Variants in ATRNL1 observed in about 807,000 individuals in gnomAD.
ATRNL1 encodes attractin-like protein 1.
Under a neutral mutation model 182.7 loss-of-function variants are expected in ATRNL1, and 95 were observed. The ratio of observed to expected loss-of-function variants is 0.52; its 90% confidence interval spans 0.44 to 0.62. The LOEUF is 0.62. Among genes scored for constraint, ATRNL1 ranks in the 20% least tolerant of loss-of-function variants. The pLI is 0.00. For synonymous variants in ATRNL1, 576 were observed against 568.3 expected (o/e 1.01, Z -0.19); for missense variants, 1,471 against 1,679.5 (o/e 0.88, Z 2.17).
At chr10:115,925,283 T>C (rs1368284767) in intron 28 of ATRNL1, among the ~76,000 whole-genome samples, 1 of 152,090 alleles carries the variant, frequency 6.6e-6, no homozygotes, top group Non-Finnish European at 1.5e-5. Context: ...TCCAATACTA[T>C]GTTGCATAAG....
At chr10:115,908,036 A>C (rs1358387668) in intron 28 of ATRNL1, among the ~76,000 whole-genome samples, 1 of 152,180 alleles carries the variant, frequency 6.6e-6, no homozygotes, top group African/African-American at 2.4e-5. Flanking sequence ...AATTATTTCT[A>C]ATTCTCATTT....
At chr10:115,156,949 T>C (rs1296604568) in intron 5 of ATRNL1, among the ~76,000 whole-genome samples, 1 of 152,058 alleles carries the variant, frequency 6.6e-6, no homozygotes, top group Non-Finnish European at 1.5e-5. Context: ...TACCAGAGGC[T>C]GGGAAAGGTT....
At chr10:115,840,183 G>A (rs1388964715) in intron 27 of ATRNL1, among the ~76,000 whole-genome samples, 3 of 152,120 alleles carry the variant, frequency 2.0e-5, no homozygotes, top group East Asian at 3.9e-4. Flanking sequence ...GCTTTCCGGG[G>A]CAGTGTTGAT....
Position 115,384,482 on chromosome 10 carries a change from G to A in ATRNL1, c.3176-10177G>A, listed in dbSNP as rs114874260. The stretch of plus-strand genomic sequence containing the variant: ...TAAGAAAATATTTTATGCTTTATGG[G>A]CCATTCGGTCTGTGTGCAGCAGCTC... On this transcript the variant is annotated intron_variant, in intron 19 of 28. Transcript: ENST00000355044. Among the ~76,000 whole-genome samples, 642 of 151,994 alleles carry A rather than the reference G, an allele frequency of 4.2e-3. 4 individuals are homozygous for A. Among genetic ancestry groups the A allele is most frequent in the African/African-American group, 0.015 (618 of 41,498 alleles).
intron 26 of ATRNL1, among the ~76,000 whole-genome samples, chr10:115,686,968 G>C (rs1565285727): frequency 6.6e-6 from 1 of 152,108 alleles, no homozygotes; most frequent in East Asian, 1.9e-4. Context: ...ACTATCGACA[G>C]AATCTATGCT....
intron 25 of ATRNL1, among the ~76,000 whole-genome samples, chr10:115,543,063 A>G (rs1397753817): frequency 6.6e-6 from 1 of 152,190 alleles, no homozygotes; most frequent in Non-Finnish European, 1.5e-5. Context: ...TGAGAACACA[A>G]TTCAGTTCAT....
chr10:115,323,392 G>T, intron 18 of ATRNL1, among the ~76,000 whole-genome samples: 2 of 141,356 alleles, frequency 1.4e-5, no homozygotes, highest in Admixed American at 7.2e-5. Context: ...TCTTCTTCAG[G>T]CATGATTTCT....
In ATRNL1 at chr10:115,582,853, T is replaced by A. The variant is rs185069110; in HGVS notation, c.3795+33317T>A. On this transcript the variant is annotated intron_variant, in intron 26 of 28. Coordinates refer to ENST00000355044, the MANE Select transcript of ATRNL1 (RefSeq NM_207303.4). ...TGTCCTGAATGGTAAAGCCTAGGTT[T>A]TCTTCTAGAGTTTTTATGGTTTTAG... 3.2e-3 allele frequency among the ~76,000 whole-genome samples: 483 copies of A among 151,468 alleles called. 3 individuals are homozygous for A. Among genetic ancestry groups the A allele is most frequent in the African/African-American group, 0.011 (448 of 41,182 alleles).
intron 27 of ATRNL1, among the ~76,000 whole-genome samples, chr10:115,835,864 G>C (rs1052669021): frequency 6.6e-6 from 1 of 152,118 alleles, no homozygotes; most frequent in Non-Finnish European, 1.5e-5. Flanking sequence ...TTAGCCTCTT[G>C]TCTCAATGTG....
intron 28 of ATRNL1, among the ~76,000 whole-genome samples, chr10:115,867,293 C>T (rs1397134816): frequency 1.3e-5 from 2 of 152,158 alleles, no homozygotes; most frequent in Admixed American, 1.3e-4. Context: ...GAATTCCATG[C>T]TGTCACTTGT....
rs568417326 is a variant in ATRNL1, at chr10:115,885,150, T to C, written c.4018+37159T>C. ...ATGTAATTAAATGATGAACAGTGACTGTGTAAGTAGAGAGTACTTATGTAA... is the reference window on the plus strand; with the variant it reads ...ATGTAATTAAATGATGAACAGTGACCGTGTAAGTAGAGAGTACTTATGTAA... On this transcript the variant is annotated intron_variant, in intron 28 of 28. Coordinates refer to ENST00000355044, the MANE Select transcript of ATRNL1 (RefSeq NM_207303.4). Among the ~76,000 whole-genome samples the C allele has an allele frequency of 9.5e-4, 144 of 152,324 alleles. 1 individual carries two copies. Among genetic ancestry groups the C allele is most frequent in the African/African-American group, 3.3e-3 (139 of 41,572 alleles).
intron 27 of ATRNL1, among the ~76,000 whole-genome samples, chr10:115,835,818 T>C (rs1950657019): frequency 1.3e-5 from 2 of 152,200 alleles, no homozygotes; most frequent in South Asian, 4.1e-4. Context: ...GCCCCCTCGC[T>C]GAGGACAGCC....
chr10:115,247,186 G>C (rs1387116867), intron 10 of ATRNL1, among the ~76,000 whole-genome samples: 1 of 152,088 alleles, frequency 6.6e-6, no homozygotes, highest in African/African-American at 2.4e-5. Context: ...AAAAGCTTTT[G>C]CAAAGAAAAG....
chr10:115,119,354 G>T (rs187309399), intron 1 of ATRNL1, among the ~76,000 whole-genome samples: 1 of 152,056 alleles, frequency 6.6e-6, no homozygotes, highest in African/African-American at 2.4e-5. Flanking sequence ...GTGTGTGTGT[G>T]TATGTTTATG....
At chr10:115,869,885 C>T (rs563587956) in intron 28 of ATRNL1, among the ~76,000 whole-genome samples, 3 of 149,706 alleles carry the variant, frequency 2.0e-5, no homozygotes, top group African/African-American at 7.4e-5. Flanking sequence ...ATTTTAATGA[C>T]TGCATATTGC....
intron 20 of ATRNL1, among the ~76,000 whole-genome samples, chr10:115,410,968 C>A (rs1554959785): frequency 1.3e-5 from 2 of 152,042 alleles, no homozygotes; most frequent in African/African-American, 4.8e-5. Context: ...AAACTCCTGA[C>A]CTCGTGATCC....
At chr10:115,382,903 G>T (rs1489527668) in intron 19 of ATRNL1, among the ~76,000 whole-genome samples, 3 of 151,764 alleles carry the variant, frequency 2.0e-5, no homozygotes, top group African/African-American at 7.2e-5. Flanking sequence ...CCCTTGTCAA[G>T]AGTCAATTGT....
At position 115,511,700 on chromosome 10, in the gene ATRNL1, A is replaced by G. The variant is rs1850394471; in HGVS notation, c.3655-7563A>G. On this transcript the variant is annotated intron_variant, in intron 24 of 28. Coordinates refer to ENST00000355044, the MANE Select transcript of ATRNL1 (RefSeq NM_207303.4). ...TGCATTTAATGCAACTTTTTTATAA[A>G]ATCATAAAATTTAAAATATTGATCA... Among the ~76,000 whole-genome samples the G allele has an allele frequency of 2.0e-5, 3 of 151,920 alleles. No individual in the cohort carries two copies. In the South Asian group the frequency reaches 6.2e-4, roughly 31 times the overall value.
rs1437731405 is a variant in ATRNL1, at chr10:115,946,790, G to A, written c.*2011G>A. 6.6e-6 allele frequency: 1 copy of A among 152,032 alleles called. No individual in the cohort carries two copies. The highest frequency in any genetic ancestry group is 1.5e-5 in the Non-Finnish European group (1 of 67,986). 9.4% of individuals were successfully genotyped at this position (152,032 alleles called of 1,614,324 possible). On this transcript the variant is annotated 3_prime_UTR_variant, in exon 29 of 29. Coordinates refer to ENST00000355044, the MANE Select transcript of ATRNL1 (RefSeq NM_207303.4). ...AATTGATGAAACTAATGATTACAAA[G>A]ATATAATCATTTTTTAAAAAGTGAT... is the stretch of plus-strand genomic sequence containing the variant.
Sources: gnomAD v4.1 joint callset for allele counts (sites outside exome capture counted in the v4.1 genomes callset) on GRCh38, gnomAD v4.1.1 for gene constraint, MANE v1.5 for transcripts, NCBI Gene and HGNC (gene_info 2026-07-23, HGNC 2026-07-21) for gene names.